CDC25A: variants seen among roughly 807,000 people sequenced by gnomAD.
CDC25A encodes the protein M-phase inducer phosphatase 1.
Under a neutral mutation model 64.6 loss-of-function variants are expected in CDC25A, and 17 were observed. The observed-to-expected ratio is 0.26, with a 90% CI of 0.18 to 0.39. CDC25A has a LOEUF of 0.39. Ranked by LOEUF, CDC25A falls within the 10% of genes least tolerant of loss-of-function variation. The pLI is 1.00. For missense variants in CDC25A, 473 were observed against 654.8 expected, an observed-to-expected ratio of 0.72 and a Z score of 3.03; for synonymous variants, 229 against 238.6, an observed-to-expected ratio of 0.96 and a Z score of 0.37.
rs1297652177 is a variant in CDC25A, at chr3:48,158,192, G to A, written c.*753C>T. The A allele has an allele frequency of 6.6e-6, 1 of 152,650 alleles. No homozygotes were observed. The highest frequency in any genetic ancestry group is 1.5e-5 in the Non-Finnish European group (1 of 68,058). The allele number at this position is 152,650 out of a possible 1,614,324, so 9.5% of individuals were successfully genotyped here. ...TATCGGTAGCCAGTGGTGGGTCTGG[G>A]AGATTTAGCTTATGTCAGGCAGCCA... On this transcript the variant is annotated 3_prime_UTR_variant, in exon 15 of 15. Transcript: ENST00000302506.
intron 14 of CDC25A, 113 bp from the exon 15 acceptor site, chr3:48,159,198 C>T: frequency 2.2e-6 from 3 of 1,371,106 alleles, no homozygotes; most frequent in Non-Finnish European, 3.0e-6. Flanking sequence ...CCTAGGGAGC[C>T]AGTTCTACAG....
At chr3:48,160,533 CCAAAGT>C (rs2031711754) in intron 13 of CDC25A, among the ~76,000 whole-genome samples, 2 of 151,694 alleles carry the variant, frequency 1.3e-5, no homozygotes, top group Admixed American at 1.3e-4. Context: ...GCCTCAGCCT[CCAAAGT>C]AGCTGGGATT....
At chr3:48,168,579 G>A (rs2032145401) in intron 9 of CDC25A, among the ~76,000 whole-genome samples, 1 of 151,620 alleles carries the variant, frequency 6.6e-6, no homozygotes. Flanking sequence ...GAAACAAGGG[G>A]GGTTAAAACT....
intron 14 of CDC25A, 46 bp downstream of exon 14, chr3:48,159,298 A>T: frequency 7.0e-7 from 1 of 1,425,374 alleles, no homozygotes; most frequent in African/African-American, 1.4e-5. Flanking sequence ...TTAGTCTACC[A>T]CTGGGGGCAG....
In CDC25A at chr3:48,162,834, C is replaced by T. The variant is rs1421255823; in HGVS notation, c.1322+1473G>A. On this transcript the variant is annotated intron_variant, in intron 13 of 14. Transcript: ENST00000302506. ...CTGCACTCCAGCCTGGGTGACAGAG[C>T]GAGACTCCGTCTCAAAAAAAAAAAA... is the stretch of plus-strand genomic sequence containing the variant. 2.7e-5 allele frequency among the ~76,000 whole-genome samples: 4 copies of T among 145,714 alleles called. No individual in the cohort carries two copies. The Admixed American group carries it at 2.8e-4, about 10-fold the overall frequency.
chr3:48,173,705 G>C (rs1347119746), intron 9 of CDC25A, among the ~76,000 whole-genome samples: 1 of 152,182 alleles, frequency 6.6e-6, no homozygotes, highest in Non-Finnish European at 1.5e-5. Context: ...GTTTGTGCTG[G>C]GGAACCCGGA....
rs1021080681 is a variant in CDC25A, at chr3:48,168,200, A to G, written c.931-256T>C. On this transcript the variant is annotated intron_variant, in intron 9 of 14. Coordinates refer to ENST00000302506, the MANE Select transcript of CDC25A (RefSeq NM_001789.3). ...CTTCCTTAAAAAAAAAAAAAAAAAA[A>G]GGGGGTGCAGGTGGTTTGGCTCATG... 1.7e-3 allele frequency among the ~76,000 whole-genome samples: 254 copies of G among 147,220 alleles called. 1 individual carries two copies. The highest frequency in any genetic ancestry group is 2.8e-3 in the African/African-American group (111 of 40,126).
intron 13 of CDC25A, among the ~76,000 whole-genome samples, chr3:48,163,385 A>C (rs1011273416): frequency 1.7e-4 from 26 of 151,982 alleles, no homozygotes; most frequent in African/African-American, 6.0e-4. Context: ...CAGGCGGATC[A>C]CCTAAGGTCG....
intron 2 of CDC25A, among the ~76,000 whole-genome samples, chr3:48,185,644 A>G (rs1559965479): frequency 6.6e-6 from 1 of 152,154 alleles, no homozygotes; most frequent in Non-Finnish European, 1.5e-5. Context: ...AAAGAAAAAT[A>G]CAACTACTGG....
intron 1 of CDC25A, among the ~76,000 whole-genome samples, chr3:48,187,577 C>T (rs774290817): frequency 6.6e-6 from 1 of 152,254 alleles, no homozygotes; most frequent in African/African-American, 2.4e-5. Flanking sequence ...ACCTCTTCCC[C>T]TGGAAGGTCC....
intron 9 of CDC25A, among the ~76,000 whole-genome samples, chr3:48,170,501 AG>A (rs1368376895): frequency 6.6e-6 from 1 of 152,234 alleles, no homozygotes; most frequent in African/African-American, 2.4e-5. Flanking sequence ...GAGGTATGGG[AG>A]AAGGGACATG....
chr3:48,161,477 G>A (rs2031761840), intron 13 of CDC25A: 1 of 152,598 alleles, frequency 6.6e-6, no homozygotes, highest in Non-Finnish European at 1.5e-5. Context: ...AGCACTTTGG[G>A]AGGCCAGGAT....
At chr3:48,180,427 G>T (rs1282137586) in intron 6 of CDC25A, 2 of 259,738 alleles carry the variant, frequency 7.7e-6, no homozygotes, top group Non-Finnish European at 1.4e-5. Flanking sequence ...AATAGGAAGA[G>T]ATATAATCCC....
intron 9 of CDC25A, among the ~76,000 whole-genome samples, chr3:48,170,791 A>T (rs1018208307): frequency 2.0e-5 from 3 of 152,190 alleles, no homozygotes; most frequent in Non-Finnish European, 4.4e-5. Context: ...TAGTATACAA[A>T]AAGATATGAC....
chr3:48,160,151 C>A (rs2031687938), intron 13 of CDC25A, among the ~76,000 whole-genome samples: 1 of 152,172 alleles, frequency 6.6e-6, no homozygotes, highest in African/African-American at 2.4e-5. Flanking sequence ...CTCACTCTGT[C>A]ACCAGGCTGG....
intron 4 of CDC25A, 60 bp from the exon 5 acceptor site, chr3:48,183,090 C>A: frequency 7.9e-7 from 1 of 1,262,126 alleles, no homozygotes; most frequent in South Asian, 1.2e-5. Flanking sequence ...GTGGAAAATT[C>A]AGTTCTCAAA....
At chr3:48,180,601 A>C (rs921658555) in intron 6 of CDC25A, 120 bp downstream of exon 6, 2 of 1,070,258 alleles carry the variant, frequency 1.9e-6, no homozygotes, top group African/African-American at 3.2e-5. Context: ...CTAATTTCAA[A>C]AGACAAAGTC....
At chr3:48,175,037 G>A (rs770944789) in intron 8 of CDC25A, among the ~76,000 whole-genome samples, 3 of 152,084 alleles carry the variant, frequency 2.0e-5, no homozygotes, top group Non-Finnish European at 4.4e-5. Context: ...CAGGCTGGGC[G>A]CGGTGGCTCA....
At chr3:48,177,645 G>T (rs576373533) in intron 7 of CDC25A, among the ~76,000 whole-genome samples, 1 of 152,222 alleles carries the variant, frequency 6.6e-6, no homozygotes, top group East Asian at 1.9e-4. Context: ...AGGATCATGT[G>T]TCTTCTTTTG....
Sources: gnomAD v4.1 joint callset for allele counts (sites outside exome capture counted in the v4.1 genomes callset) on GRCh38, gnomAD v4.1.1 for gene constraint, MANE v1.5 for transcripts, NCBI Gene and HGNC (gene_info 2026-07-23, HGNC 2026-07-21) for gene names.